Variants in DTWD2 observed in about 807,000 individuals in gnomAD.
DTWD2 encodes the protein tRNA-uridine aminocarboxypropyltransferase 2.
DTWD2 carries 39 observed loss-of-function variants against 31.8 expected under a neutral mutation model. That is an observed-to-expected ratio of 1.22 (90% CI 0.95 to 1.60). The LOEUF (loss-of-function observed/expected upper bound fraction) is 1.60, where lower values mean the gene tolerates loss of function less well. DTWD2 is among the 40% of genes most tolerant of loss of function. The pLI, the probability that DTWD2 is intolerant of heterozygous loss-of-function variation, is 0.00. For synonymous variants in DTWD2, 180 were observed against 142.8 expected (o/e 1.26, Z -1.86); for missense variants, 515 against 381.5 (o/e 1.35, Z -2.92).
At chr5:118,925,909 C>T (rs1753798508) in intron 4 of DTWD2, among the ~76,000 whole-genome samples, 1 of 151,274 alleles carries the variant, frequency 6.6e-6, no homozygotes, top group Non-Finnish European at 1.5e-5. Flanking sequence ...TGGGTATTTA[C>T]CCAAAGGAAA....
At chr5:118,912,881 G>A (rs1753489516) in intron 4 of DTWD2, among the ~76,000 whole-genome samples, 1 of 152,138 alleles carries the variant, frequency 6.6e-6, no homozygotes, top group Non-Finnish European at 1.5e-5. Flanking sequence ...TGAATTAATG[G>A]ATCTATATTG....
chr5:118,868,456 C>A (rs57626866), intron 4 of DTWD2, among the ~76,000 whole-genome samples: 16,423 of 152,040 alleles, frequency 0.11, 2,946 homozygotes, highest in African/African-American at 0.37. Flanking sequence ...AAAACACAAT[C>A]AAGAAAGTGA....
chr5:118,908,593 C>T (rs561121161), intron 4 of DTWD2, among the ~76,000 whole-genome samples: 13 of 150,950 alleles, frequency 8.6e-5, no homozygotes. Context: ...ATTATGAATG[C>T]AAGATAAACC....
chr5:118,882,754 CGGG>C (rs1752770926), intron 4 of DTWD2, among the ~76,000 whole-genome samples: 1 of 152,224 alleles, frequency 6.6e-6, no homozygotes, highest in South Asian at 2.1e-4. Context: ...GATGGAGCTT[CGGG>C]GCACAGGGCA....
Position 118,845,368 on chromosome 5 carries a change from T to C in DTWD2, c.726+2722A>G, listed in dbSNP as rs142708708. Among the ~76,000 whole-genome samples the C allele has an allele frequency of 4.3e-3, 652 of 152,326 alleles. 9 individuals are homozygous for C. The highest frequency in any genetic ancestry group is 0.03 in the East Asian group (155 of 5,188). ...AGACTGATACTGCATTTCACAAAGA[T>C]GCTAATTTATTATCGCAACTAGATG... On this transcript the variant is annotated intron_variant, in intron 5 of 5. Transcript: ENST00000510708.
At chr5:118,865,820 T>C (rs1752368766) in intron 4 of DTWD2, among the ~76,000 whole-genome samples, 1 of 152,198 alleles carries the variant, frequency 6.6e-6, no homozygotes, top group Non-Finnish European at 1.5e-5. Context: ...ACCTATCTCC[T>C]TAGGTTTCAA....
intron 4 of DTWD2, among the ~76,000 whole-genome samples, chr5:118,908,503 C>A (rs2149569586): frequency 6.6e-6 from 1 of 152,220 alleles, no homozygotes; most frequent in Non-Finnish European, 1.5e-5. Context: ...ATTTCAAACA[C>A]ATATCTTCTA....
At chr5:118,973,651 GCTCGCGGCAGCCTCCT>G (rs1561478059) in intron 1 of DTWD2, 1 of 789,226 alleles carries the variant, frequency 1.3e-6, no homozygotes, top group African/African-American at 1.7e-5. Context: ...CAGCCTCCTT[GCTCGCGGCAGCCTCCT>G]TGCTCGCCGC....
At chr5:118,888,075 T>TAC (rs1752905543) in intron 4 of DTWD2, among the ~76,000 whole-genome samples, 1 of 624 alleles carries the variant, frequency 1.6e-3, no homozygotes, top group African/African-American at 0.015. Context: ...CTGTTCCATT[T>TAC]ATGTTTTTAG....
At chr5:118,974,233 C>T (rs1236637101) in intron 1 of DTWD2, 6 of 999,898 alleles carry the variant, frequency 6.0e-6, no homozygotes, top group Admixed American at 2.1e-5. Flanking sequence ...TAGAGAGGCC[C>T]GCCCGCCCAC....
rs1751574658 is a variant in DTWD2, at chr5:118,836,591, T to C, written c.*4326A>G. ...CAATTACTTATTTCTCTAATATGCT[T>C]TTTAGTAGAGTACAGGAGTTGCTAT... is the stretch of plus-strand genomic sequence containing the variant. On this transcript the variant is annotated 3_prime_UTR_variant, in exon 6 of 6. Coordinates refer to ENST00000510708, the MANE Select transcript of DTWD2 (RefSeq NM_173666.4). 6.6e-6 allele frequency among the ~76,000 whole-genome samples: 1 copy of C among 152,190 alleles called. No homozygotes were observed. Among genetic ancestry groups the C allele is most frequent in the African/African-American group, 2.4e-5 (1 of 41,446 alleles).
chr5:118,954,531 T>C (rs1395260055), intron 1 of DTWD2, among the ~76,000 whole-genome samples: 1 of 152,096 alleles, frequency 6.6e-6, no homozygotes, highest in East Asian at 1.9e-4. Context: ...TTTTCTTTTT[T>C]TGAGACAGGT....
chr5:118,840,733 G>A lies in DTWD2; in HGVS notation c.*184C>T, dbSNP rs556450769. ...ACAGTAGGAAATCCTGCTTTTCAGT[G>A]AGCCAGTGAATTTCTGTTTATTTGT... On this transcript the variant is annotated 3_prime_UTR_variant, in exon 6 of 6. Coordinates refer to ENST00000510708, the MANE Select transcript of DTWD2 (RefSeq NM_173666.4). 107 of 549,552 alleles carry A rather than the reference G, an allele frequency of 1.9e-4. No homozygotes were observed. In the African/African-American group the frequency reaches 2.0e-3, roughly 10 times the overall value. 34.0% of individuals were successfully genotyped at this position (549,552 alleles called of 1,614,324 possible). A position where few individuals can be genotyped will look rare whatever the true frequency, so the allele number is the denominator to read the frequency against.
chr5:118,904,285 T>C (rs1753278366), intron 4 of DTWD2, among the ~76,000 whole-genome samples: 1 of 152,060 alleles, frequency 6.6e-6, no homozygotes, highest in Non-Finnish European at 1.5e-5. Flanking sequence ...AAAGTTAATG[T>C]TTTCAAAGAT....
At chr5:118,869,036 G>A (rs938761494) in intron 4 of DTWD2, among the ~76,000 whole-genome samples, 132 of 152,138 alleles carry the variant, frequency 8.7e-4, no homozygotes, top group African/African-American at 3.1e-3. Flanking sequence ...GTGGTTCCCA[G>A]GAGTTGGAGC....
At chr5:118,965,807 CCCAGG>C in intron 1 of DTWD2, among the ~76,000 whole-genome samples, 1 of 152,180 alleles carries the variant, frequency 6.6e-6, no homozygotes, top group South Asian at 2.1e-4. Context: ...TGCGGAAGGC[CCCAGG>C]GTCCTCTGCC....
chr5:118,908,811 A>G (rs1753394450), intron 4 of DTWD2, among the ~76,000 whole-genome samples: 1 of 152,236 alleles, frequency 6.6e-6, no homozygotes, highest in Admixed American at 6.5e-5. Flanking sequence ...AAGCTAAAAC[A>G]CAATTGATCA....
intron 4 of DTWD2, among the ~76,000 whole-genome samples, chr5:118,912,173 A>C (rs1178708589): frequency 6.6e-6 from 1 of 152,204 alleles, no homozygotes; most frequent in Non-Finnish European, 1.5e-5. Context: ...ATTAAATGTA[A>C]TTGTTTTGAT....
chr5:118,966,432 T>C (rs765721049), intron 1 of DTWD2, among the ~76,000 whole-genome samples: 6 of 152,216 alleles, frequency 3.9e-5, no homozygotes, highest in Admixed American at 6.5e-5. Flanking sequence ...AAAAAATATA[T>C]ATTTTTAAGA....
Sources: allele counts gnomAD v4.1 joint callset (sites outside exome capture counted in the v4.1 genomes callset), GRCh38; gene constraint gnomAD v4.1.1; transcripts MANE v1.5; gene names NCBI Gene and HGNC (gene_info 2026-07-23, HGNC 2026-07-21).